MYO16: variants seen among roughly 807,000 people sequenced by gnomAD.
The protein encoded by MYO16 is unconventional myosin-XVI.
A neutral mutation model predicts 205.3 loss-of-function variants in MYO16; 94 were observed. That is an observed-to-expected ratio of 0.46 (90% CI 0.39 to 0.54). MYO16 has a LOEUF of 0.54. Among genes scored for constraint, MYO16 ranks in the 20% least tolerant of loss-of-function variants. The pLI is 0.00. For synonymous variants in MYO16, 988 were observed against 954.0 expected, an observed-to-expected ratio of 1.04 and a Z score of -0.66; for missense variants, 2,315 against 2,387.5, an observed-to-expected ratio of 0.97 and a Z score of 0.63.
At chr13:108,772,470 A>G (rs1330585371) in intron 4 of MYO16, among the ~76,000 whole-genome samples, 1 of 152,156 alleles carries the variant, frequency 6.6e-6, no homozygotes, top group African/African-American at 2.4e-5. Context: ...CATTCTCACA[A>G]GCATTTGGTG....
intron 32 of MYO16, among the ~76,000 whole-genome samples, chr13:109,152,102 A>T (rs1258676222): frequency 2.6e-5 from 4 of 152,204 alleles, no homozygotes; most frequent in Non-Finnish European, 5.9e-5. Context: ...AAAATAGCAT[A>T]CATTTTTAAA....
At chr13:108,563,074 C>A in the MYO16 span, among the ~76,000 whole-genome samples, 1 of 152,160 alleles carries the variant, frequency 6.6e-6, no homozygotes, top group Non-Finnish European at 1.5e-5. Flanking sequence ...TACTAGGAAA[C>A]TCATTTCATT....
intron 3 of MYO16, among the ~76,000 whole-genome samples, chr13:108,713,130 CAAAGT>C (rs1883789596): frequency 6.6e-6 from 1 of 151,920 alleles, no homozygotes; most frequent in South Asian, 2.1e-4. Context: ...ATTTTAGAAA[CAAAGT>C]AGGGGGTAAG....
chr13:108,956,394 T>G (rs1194560455), intron 16 of MYO16, among the ~76,000 whole-genome samples: 1 of 152,150 alleles, frequency 6.6e-6, no homozygotes, highest in Non-Finnish European at 1.5e-5. Context: ...CTTACTTGCC[T>G]TACCTCTTTG....
the MYO16 span, among the ~76,000 whole-genome samples, chr13:108,586,791 C>T: frequency 1.3e-5 from 2 of 152,228 alleles, no homozygotes; most frequent in Non-Finnish European, 2.9e-5. Context: ...TCCAGCTTGT[C>T]TGTCCTTAAC....
chr13:108,659,622 A>C (rs1881409661), intron 1 of MYO16, among the ~76,000 whole-genome samples: 2 of 152,278 alleles, frequency 1.3e-5, no homozygotes, highest in African/African-American at 4.8e-5. Context: ...GTTAGATGGG[A>C]ACACGGTGTC....
In MYO16 at chr13:109,185,214, G is replaced by T. The variant is rs77448160; in HGVS notation, c.5415+5581G>T. 5.5e-3 allele frequency among the ~76,000 whole-genome samples: 842 copies of T among 152,144 alleles called. 10 individuals are homozygous for T. The highest frequency in any genetic ancestry group is 0.019 in the African/African-American group (786 of 41,500). ...ACATTTGGCTAACTATAAATTCTAG[G>T]TAACAACAATTTCAATATTAATTTA... On this transcript the variant is annotated intron_variant, in intron 34 of 34. Coordinates refer to ENST00000457511, the MANE Select transcript of MYO16 (RefSeq NM_001198950.3).
At chr13:108,575,720 G>C in the MYO16 span, among the ~76,000 whole-genome samples, 1 of 152,128 alleles carries the variant, frequency 6.6e-6, no homozygotes, top group African/African-American at 2.4e-5. Context: ...ATGGTCCCCT[G>C]CCCGCCCGCG....
chr13:109,013,634 CCTGA>C (rs1216880588), intron 22 of MYO16, among the ~76,000 whole-genome samples: 2 of 152,162 alleles, frequency 1.3e-5, no homozygotes, highest in Non-Finnish European at 2.9e-5. Context: ...CCTGTTGTTT[CCTGA>C]CTTTTTAATG....
At chr13:109,058,224 C>A (rs1399675023) in intron 27 of MYO16, among the ~76,000 whole-genome samples, 2 of 152,150 alleles carry the variant, frequency 1.3e-5, no homozygotes, top group South Asian at 2.1e-4. Context: ...TGTTTTGCTT[C>A]CCCCCAGCCA....
chr13:108,797,070 T>C (rs980681070), intron 6 of MYO16, among the ~76,000 whole-genome samples: 3 of 152,130 alleles, frequency 2.0e-5, no homozygotes, highest in African/African-American at 7.2e-5. Context: ...GGTAGTGCAA[T>C]TGGACCTCCT....
chr13:108,659,184 A>G (rs1881379874), intron 1 of MYO16, among the ~76,000 whole-genome samples: 1 of 147,442 alleles, frequency 6.8e-6, no homozygotes, highest in African/African-American at 2.5e-5. Flanking sequence ...CATGGAAACC[A>G]TGTGTGTATA....
At chr13:109,034,030 G>A (rs1229524226) in intron 23 of MYO16, among the ~76,000 whole-genome samples, 1 of 152,052 alleles carries the variant, frequency 6.6e-6, no homozygotes, top group African/African-American at 2.4e-5. Flanking sequence ...GGCAGAAAAG[G>A]GCACAGATTC....
chr13:109,055,877 G>T lies in MYO16; in HGVS notation c.3335+282G>T, dbSNP rs1203197346. ...TCCTTGGATTAAAGTTTTGTAAAAT[G>T]ATTGCATGTGATATTTACTATTTAT... On this transcript the variant is annotated intron_variant, in intron 27 of 34. Coordinates refer to ENST00000457511, the MANE Select transcript of MYO16 (RefSeq NM_001198950.3). The surrounding 1 kb of genome is among the most constrained non-coding windows in gnomAD (Gnocchi z 5.0). 2 of 272,830 alleles carry T rather than the reference G, an allele frequency of 7.3e-6. No individual in the cohort carries two copies. Among genetic ancestry groups the T allele is most frequent in the Non-Finnish European group, 1.4e-5 (2 of 143,718 alleles). 16.9% of individuals were successfully genotyped at this position (272,830 alleles called of 1,614,324 possible). A position where few individuals can be genotyped will look rare whatever the true frequency, so the allele number is the denominator to read the frequency against.
intron 23 of MYO16, among the ~76,000 whole-genome samples, chr13:109,043,620 A>G (rs1012448781): frequency 6.6e-6 from 1 of 152,152 alleles, no homozygotes; most frequent in Non-Finnish European, 1.5e-5. Context: ...CTTTTTGACT[A>G]TTTGTCTGTC....
rs1275473376 is a variant in MYO16, at chr13:108,898,103, T to C, written c.1747T>C (p.Phe583Leu). The C allele has an allele frequency of 6.2e-7, 1 of 1,613,356 alleles. No individual in the cohort carries two copies. The highest frequency in any genetic ancestry group is 8.5e-7 in the Non-Finnish European group (1 of 1,179,412). ...CTTCATCAAGTATTTTGAACTGCAG[T>C]TCTGTGAGAGGAAACAACAGCTAAC... Reference protein sequence around the residue: ...SCFIKYFELQFCERKQQLTGA... With the variant: ...SCFIKYFELQLCERKQQLTGA... The change falls in exon 15 of 35, where the codon TTC becomes CTC. Residue 583 changes from phenylalanine to leucine, a missense_variant. Around this residue, in one of 3 missense-constraint regions of MYO16, gnomAD observed 1,213 missense variants for 1,274.4 expected, o/e 0.95. Coordinates refer to ENST00000457511, the MANE Select transcript of MYO16 (RefSeq NM_001198950.3).
chr13:109,105,928 AGGATGTAGTGGT>A (rs1223764850), intron 28 of MYO16, among the ~76,000 whole-genome samples: 2 of 152,238 alleles, frequency 1.3e-5, no homozygotes, highest in Non-Finnish European at 2.9e-5. Flanking sequence ...AAGGAAAATC[AGGATGTAGTGGT>A]GGCTAGAAGG....
intron 1 of MYO16, among the ~76,000 whole-genome samples, chr13:108,630,844 C>T (rs1197251968): frequency 2.6e-5 from 4 of 152,106 alleles, no homozygotes; most frequent in African/African-American, 9.7e-5. Context: ...AAAATATTTA[C>T]CTTTCTCTTA....
In MYO16 at chr13:108,925,718, C is replaced by T. The variant is rs61624341; in HGVS notation, c.1925+15568C>T. 1.6e-3 allele frequency among the ~76,000 whole-genome samples: 242 copies of T among 152,272 alleles called. 1 individual carries two copies. The highest frequency in any genetic ancestry group is 5.6e-3 in the African/African-American group (231 of 41,558). ...CCTGAACATGTAACAAACCCGTCTA[C>T]GTCTCTCCATCTCTCTGCTGCAGTA... On this transcript the variant is annotated intron_variant, in intron 16 of 34. Transcript: ENST00000457511.
Sources: gnomAD v4.1 joint callset for allele counts (sites outside exome capture counted in the v4.1 genomes callset) on GRCh38, gnomAD v4.1.1 for gene constraint, gnomAD v4.1.1 regional missense constraint, Gnocchi (gnomAD v3.1) non-coding constraint, MANE v1.5 for transcripts, NCBI Gene and HGNC (gene_info 2026-07-23, HGNC 2026-07-21) for gene names.